Variants in GOSR1 observed in about 807,000 individuals in gnomAD.
The protein encoded by GOSR1 is golgi SNAP receptor complex member 1, also known as 28 kDa Golgi SNARE protein.
In GOSR1, 21 loss-of-function variants were observed where a neutral mutation model predicts 35.5. The ratio of observed to expected loss-of-function variants is 0.59; its 90% CI spans 0.42 to 0.85. The LOEUF (loss-of-function observed/expected upper bound fraction) is 0.85. Among genes scored for constraint, GOSR1 ranks in the 40% least tolerant of loss-of-function variants. The pLI, the probability that GOSR1 is intolerant of heterozygous loss-of-function variation, is 0.00. For synonymous variants in GOSR1, 94 were observed against 106.6 expected, an observed-to-expected ratio of 0.88 and a Z score of 0.73; for missense variants, 285 against 309.6, an observed-to-expected ratio of 0.92 and a Z score of 0.60.
At chr17:30,491,309 A>G (rs1476751455) in intron 5 of GOSR1, among the ~76,000 whole-genome samples, 1 of 152,204 alleles carries the variant, frequency 6.6e-6, no homozygotes, top group Non-Finnish European at 1.5e-5. Flanking sequence ...ATGTTCATCT[A>G]TTCATTAAAC....
intron 8 of GOSR1, 84 bp downstream of exon 8, chr17:30,520,105 C>T: frequency 3.6e-6 from 3 of 832,646 alleles, no homozygotes; most frequent in Admixed American, 1.8e-5. Context: ...GGGCAGGTTG[C>T]CATCATCAGT....
chr17:30,499,278 TAAAAAC>T (rs1410526970), intron 6 of GOSR1, among the ~76,000 whole-genome samples: 3 of 151,910 alleles, frequency 2.0e-5, no homozygotes, highest in African/African-American at 7.3e-5. Context: ...TTTTGGCTAT[TAAAAAC>T]AAAATTATTA....
Position 30,522,452 on chromosome 17 carries a change from G to A in GOSR1, c.*74G>A, listed in dbSNP as rs1320725392. On this transcript the variant is annotated 3_prime_UTR_variant, in exon 9 of 9. Transcript: ENST00000451249. ...CTGGAATAAGGAAACATCGGAGGGA[G>A]AAGTTGACTGTCTTGATAATTAGCC... is the stretch of plus-strand genomic sequence containing the variant. 8.0e-7 allele frequency: 1 copy of A among 1,249,418 alleles called. No individual in the cohort carries two copies. Among genetic ancestry groups the A allele is most frequent in the African/African-American group, 1.5e-5 (1 of 66,304 alleles). 77.4% of individuals were successfully genotyped at this position (1,249,418 alleles called of 1,614,324 possible). A position where few individuals can be genotyped will look rare whatever the true frequency, so the allele number is the denominator to read the frequency against.
chr17:30,497,149 G>A (rs546589112), intron 6 of GOSR1, among the ~76,000 whole-genome samples: 84 of 152,236 alleles, frequency 5.5e-4, no homozygotes, highest in African/African-American at 1.9e-3. Context: ...TGTAATCTCC[G>A]CTACTCAGGA....
chr17:30,484,645 T>G lies in GOSR1; in HGVS notation c.235-18T>G, dbSNP rs1163087315. The G allele has an allele frequency of 7.5e-7, 1 of 1,333,888 alleles. No individual in the cohort carries two copies. Among genetic ancestry groups the G allele is most frequent in the Non-Finnish European group, 1.1e-6 (1 of 952,182 alleles). 82.6% of individuals were successfully genotyped at this position (1,333,888 alleles called of 1,614,324 possible). A position where few individuals can be genotyped will look rare whatever the true frequency, so the allele number is the denominator to read the frequency against. Reference sequence around the variant, plus strand: ...CTTAGTAAAATATTTTGATTGTTTTTTTTTTCTTTATTTCTAGCTTACAGG... The same window carrying G: ...CTTAGTAAAATATTTTGATTGTTTTGTTTTTCTTTATTTCTAGCTTACAGG... On this transcript the variant is annotated intron_variant, in intron 3 of 8. Coordinates refer to ENST00000451249, the MANE Select transcript of GOSR1 (RefSeq NM_001007025.2).
In GOSR1 at chr17:30,519,743, T is replaced by C. The variant is rs151280967; in HGVS notation, c.540-196T>C. 9.3e-4 allele frequency: 469 copies of C among 505,574 alleles called. 1 individual carries two copies. Among genetic ancestry groups the C allele is most frequent in the African/African-American group, 8.6e-3 (431 of 50,326 alleles). 31.3% of individuals were successfully genotyped at this position (505,574 alleles called of 1,614,324 possible). A position where few individuals can be genotyped will look rare whatever the true frequency, so the allele number is the denominator to read the frequency against. Reference sequence around the variant, plus strand: ...GCTTACTGCCTTGTATAAAAAGATATCAGAGAACAGTGGAGTCATTTGGAA... The same window carrying C: ...GCTTACTGCCTTGTATAAAAAGATACCAGAGAACAGTGGAGTCATTTGGAA... On this transcript the variant is annotated intron_variant, in intron 7 of 8. Transcript: ENST00000451249.
intron 6 of GOSR1, among the ~76,000 whole-genome samples, chr17:30,510,300 C>G (rs959155759): frequency 2.0e-5 from 3 of 152,050 alleles, no homozygotes; most frequent in Admixed American, 6.5e-5. Flanking sequence ...TCTCGAACTC[C>G]TGGCCTCAAG....
rs1968196328 is a variant in GOSR1, at chr17:30,527,175, C to G, written c.*4797C>G. 3 of 152,158 alleles carry G rather than the reference C, an allele frequency of 2.0e-5. No individual in the cohort carries two copies. The highest frequency in any genetic ancestry group is 4.4e-5 in the Non-Finnish European group (3 of 68,064). 9.4% of individuals were successfully genotyped at this position (152,158 alleles called of 1,614,324 possible). On this transcript the variant is annotated 3_prime_UTR_variant, in exon 9 of 9. Transcript: ENST00000451249. ...GGATTTGAGACCAGTCTGGGCAACA[C>G]AGCAAAGACCTTGTCTCTACAAAAA...
chr17:30,510,890 C>CGA lies in GOSR1; in HGVS notation c.520_521insGA (p.Leu174ArgfsTer2), dbSNP rs777888947. 1 of 1,540,806 alleles carries CGA rather than the reference C, an allele frequency of 6.5e-7. No individual in the cohort carries two copies. Among genetic ancestry groups the CGA allele is most frequent in the South Asian group, 1.1e-5 (1 of 87,572 alleles). On this transcript the variant is annotated frameshift_variant, in exon 7 of 9. Transcript: ENST00000451249. LOFTEE classifies it high-confidence loss of function. ...TCTTTTTATTTGCAGCTCAGATCGT[C>CGA]TGATAGAAGAGACAATAAGGTAGGA...
Position 30,504,454 on chromosome 17 carries a change from A to G in GOSR1, c.510-6426A>G, listed in dbSNP as rs1487678291. Among the ~76,000 whole-genome samples, 21 of 152,242 alleles carry G rather than the reference A, an allele frequency of 1.4e-4. 1 individual carries two copies. The highest frequency in any genetic ancestry group is 8.5e-4 in the Admixed American group (13 of 15,284). On this transcript the variant is annotated intron_variant, in intron 6 of 8. Coordinates refer to ENST00000451249, the MANE Select transcript of GOSR1 (RefSeq NM_001007025.2). ...TCAAATATATAAAATGACCAATTTC[A>G]GTGACCATTTATCCTTTTACGAAAA...
chr17:30,494,896 A>G (rs1422636784), intron 6 of GOSR1, among the ~76,000 whole-genome samples: 1 of 148,384 alleles, frequency 6.7e-6, no homozygotes, highest in Non-Finnish European at 1.5e-5. Flanking sequence ...GCGTGAGGCA[A>G]TGTGCCCAGA....
chr17:30,489,921 C>A (rs1184538534), intron 4 of GOSR1, among the ~76,000 whole-genome samples: 8 of 152,102 alleles, frequency 5.3e-5, no homozygotes, highest in Admixed American at 5.2e-4. Flanking sequence ...GCACTGTTTC[C>A]CTAGCACTGA....
At chr17:30,484,964 A>C (rs1914588887) in intron 4 of GOSR1, 194 bp downstream of exon 4, 1 of 611,098 alleles carries the variant, frequency 1.6e-6, no homozygotes, top group South Asian at 1.7e-5. Context: ...AATATCTAAT[A>C]GCTCTTGCTA....
chr17:30,482,447 C>T (rs952109839), intron 2 of GOSR1, among the ~76,000 whole-genome samples: 7 of 152,138 alleles, frequency 4.6e-5, no homozygotes, highest in Admixed American at 2.0e-4. Flanking sequence ...AACATTTTTA[C>T]GCAGAATGTT....
intron 1 of GOSR1, chr17:30,478,042 C>T (rs1914066252): frequency 2.4e-5 from 11 of 461,396 alleles, no homozygotes; most frequent in Admixed American, 6.4e-5. Context: ...AAATAACTTA[C>T]CCTTCTGCTC....
chr17:30,502,552 A>AT (rs1297281914), intron 6 of GOSR1, among the ~76,000 whole-genome samples: 3 of 152,126 alleles, frequency 2.0e-5, no homozygotes, highest in African/African-American at 4.8e-5. Context: ...CTCAGCTTTT[A>AT]TTTTTTTATT....
intron 6 of GOSR1, among the ~76,000 whole-genome samples, chr17:30,509,156 T>C (rs1567912210): frequency 1.3e-5 from 2 of 152,136 alleles, no homozygotes; most frequent in East Asian, 3.9e-4. Flanking sequence ...TTGTATTTTT[T>C]AGAAGAGATG....
At position 30,521,649 on chromosome 17, in the gene GOSR1, C is replaced by T. The variant is rs114727650; in HGVS notation, c.623-605C>T. Among the ~76,000 whole-genome samples, 74 of 151,874 alleles carry T rather than the reference C, an allele frequency of 4.9e-4. 1 individual carries two copies. The highest frequency in any genetic ancestry group is 1.6e-3 in the African/African-American group (66 of 41,436). On this transcript the variant is annotated intron_variant, in intron 8 of 8. Transcript: ENST00000451249. ...CAGGGCTAAAGTTTAGTCCACTTTC[C>T]TCCTGTATCTGCCTTCTGCTGCGAA...
chr17:30,497,811 C>T (rs559283604), intron 6 of GOSR1, among the ~76,000 whole-genome samples: 14 of 152,316 alleles, frequency 9.2e-5, no homozygotes, highest in South Asian at 6.2e-4. Flanking sequence ...GTAATTCCCG[C>T]GCTTTAGGAG....
Sources: allele counts gnomAD v4.1 joint callset (sites outside exome capture counted in the v4.1 genomes callset), GRCh38; gene constraint gnomAD v4.1.1; transcripts MANE v1.5; gene names NCBI Gene and HGNC (gene_info 2026-07-23, HGNC 2026-07-21).